Variants in ROBO1 observed in about 807,000 individuals in gnomAD.
ROBO1 encodes the protein roundabout guidance receptor 1.
Under a neutral mutation model 195.9 loss-of-function variants are expected in ROBO1, and 149 were observed. The observed-to-expected ratio is 0.76, with a 90% CI of 0.67 to 0.87. The LOEUF is 0.87. ROBO1 is among the 40% of genes least tolerant of loss of function. The pLI, the probability that ROBO1 is intolerant of heterozygous loss-of-function variation, is 0.00. For missense variants in ROBO1, 1,933 were observed against 2,068.3 expected (o/e 0.93, Z 1.27); for synonymous variants, 816 against 733.2 (o/e 1.11, Z -1.82).
chr3:79,025,258 C>T (rs1036855029), intron 3 of ROBO1, among the ~76,000 whole-genome samples: 2 of 152,156 alleles, frequency 1.3e-5, no homozygotes, highest in Non-Finnish European at 2.9e-5. Flanking sequence ...TTCATCAAAC[C>T]TCAGAGAGGC....
At chr3:78,663,593 C>T (rs1018799102) in intron 14 of ROBO1, among the ~76,000 whole-genome samples, 15 of 152,170 alleles carry the variant, frequency 9.9e-5, no homozygotes, top group South Asian at 4.1e-4. Context: ...TTAAAAACCA[C>T]GTAACATTGG....
chr3:79,071,025 C>T, intron 3 of ROBO1, among the ~76,000 whole-genome samples: 1 of 151,704 alleles, frequency 6.6e-6, no homozygotes, highest in East Asian at 1.9e-4. Flanking sequence ...TTAAATGCAG[C>T]TAATTACTGT....
At chr3:79,393,046 C>T (rs954125938) in intron 2 of ROBO1, among the ~76,000 whole-genome samples, 5 of 152,202 alleles carry the variant, frequency 3.3e-5, no homozygotes, top group Non-Finnish European at 4.4e-5. Flanking sequence ...TCAGTGTCTA[C>T]TGTGACAAAT....
intron 28 of ROBO1, among the ~76,000 whole-genome samples, chr3:78,610,303 C>T (rs1703734382): frequency 6.6e-6 from 1 of 152,076 alleles, no homozygotes; most frequent in African/African-American, 2.4e-5. Context: ...ATGTCCCCTC[C>T]CTTGATGTTA....
At chr3:79,315,370 G>C (rs547763917) in intron 2 of ROBO1, among the ~76,000 whole-genome samples, 1 of 152,306 alleles carries the variant, frequency 6.6e-6, no homozygotes, top group Non-Finnish European at 1.5e-5. Flanking sequence ...ATGAAAGCAG[G>C]AGACCACTTA....
intron 3 of ROBO1, among the ~76,000 whole-genome samples, chr3:79,044,298 G>C (rs2078548638): frequency 6.6e-6 from 1 of 152,040 alleles, no homozygotes; most frequent in African/African-American, 2.4e-5. Context: ...TGCTTCATGT[G>C]GAGCAGGCAA....
chr3:79,367,330 C>T (rs957890022), intron 2 of ROBO1, among the ~76,000 whole-genome samples: 9 of 152,126 alleles, frequency 5.9e-5, no homozygotes, highest in Non-Finnish European at 1.3e-4. Context: ...GGGCCACCTA[C>T]AACAATTCCT....
chr3:79,391,956 G>A (rs1157188079), intron 2 of ROBO1, among the ~76,000 whole-genome samples: 5 of 152,064 alleles, frequency 3.3e-5, no homozygotes, highest in East Asian at 3.9e-4. Context: ...TGAGACTTTC[G>A]AATTGGTATG....
At chr3:78,675,542 C>A (rs983995635) in intron 10 of ROBO1, among the ~76,000 whole-genome samples, 1 of 152,184 alleles carries the variant, frequency 6.6e-6, no homozygotes, top group Non-Finnish European at 1.5e-5. Flanking sequence ...GAGGGTCCTA[C>A]ACCCACGGAG....
intron 2 of ROBO1, among the ~76,000 whole-genome samples, chr3:79,506,783 T>G (rs545987754): frequency 6.6e-6 from 1 of 152,220 alleles, no homozygotes; most frequent in South Asian, 2.1e-4. Flanking sequence ...GAATTTGGTG[T>G]TAAGTATGTT....
intron 1 of ROBO1, among the ~76,000 whole-genome samples, chr3:79,652,587 A>G (rs1411073371): frequency 2.0e-5 from 3 of 152,090 alleles, no homozygotes; most frequent in Non-Finnish European, 1.5e-5. Flanking sequence ...GCAATAATCC[A>G]TAGTAAGTCA....
chr3:79,224,166 C>A (rs1214452471), intron 2 of ROBO1, among the ~76,000 whole-genome samples: 1 of 152,024 alleles, frequency 6.6e-6, no homozygotes, highest in African/African-American at 2.4e-5. Context: ...AAAAAAAGGT[C>A]TTGAACATTT....
At chr3:79,719,799 TTTG>T (rs1371989510) in intron 1 of ROBO1, among the ~76,000 whole-genome samples, 2 of 152,142 alleles carry the variant, frequency 1.3e-5, no homozygotes, top group Non-Finnish European at 1.5e-5. Flanking sequence ...AACAAATACT[TTTG>T]TTGTTTATTA....
chr3:79,480,234 A>C (rs934530581), intron 2 of ROBO1, among the ~76,000 whole-genome samples: 3 of 152,220 alleles, frequency 2.0e-5, no homozygotes, highest in Admixed American at 6.5e-5. Flanking sequence ...AATCATTTTC[A>C]AAGTATTTTG....
intron 1 of ROBO1, among the ~76,000 whole-genome samples, chr3:79,699,847 G>T (rs1456714942): frequency 6.6e-6 from 1 of 151,550 alleles, no homozygotes; most frequent in East Asian, 1.9e-4. Context: ...AATTTTAGTT[G>T]TTATTTTAGA....
At chr3:78,964,406 C>T (rs986713528) in intron 3 of ROBO1, among the ~76,000 whole-genome samples, 1 of 152,022 alleles carries the variant, frequency 6.6e-6, no homozygotes, top group African/African-American at 2.4e-5. Flanking sequence ...AGGGAACAAG[C>T]CTAGCCTGGT....
At chr3:78,647,830 G>T (rs563398070) in intron 19 of ROBO1, among the ~76,000 whole-genome samples, 175 bp from the exon 20 acceptor site, 25 of 152,150 alleles carry the variant, frequency 1.6e-4, no homozygotes, top group Middle Eastern at 6.8e-3. Flanking sequence ...AAAAAAAGAA[G>T]CTTGTCTCTA....
At chr3:79,116,963 C>T (rs1275296944) in intron 3 of ROBO1, among the ~76,000 whole-genome samples, 1 of 152,110 alleles carries the variant, frequency 6.6e-6, no homozygotes, top group Non-Finnish European at 1.5e-5. Context: ...GATTTTGAAT[C>T]CATGGATGCA....
chr3:78,789,396 G>A (rs769011927), intron 4 of ROBO1, among the ~76,000 whole-genome samples: 13 of 152,140 alleles, frequency 8.5e-5, no homozygotes, highest in Non-Finnish European at 1.8e-4. Context: ...GACTAAGAAT[G>A]AGGACTTTTC....
Sources: allele counts gnomAD v4.1 joint callset (sites outside exome capture counted in the v4.1 genomes callset), GRCh38; gene constraint gnomAD v4.1.1; transcripts MANE v1.5; gene names NCBI Gene and HGNC (gene_info 2026-07-23, HGNC 2026-07-21).